The following NFAM1 variants were observed in gnomAD, a reference collection of about 807,000 sequenced individuals.
The protein encoded by NFAM1 is NFAT activating protein with ITAM motif 1, also known as NFAT activation molecule 1.
NFAM1 carries 17 observed loss-of-function variants against 29.0 expected under a neutral mutation model. The observed-to-expected ratio is 0.59, with a 90% CI of 0.40 to 0.88. The LOEUF is 0.88. NFAM1 is among the 40% of genes least tolerant of loss of function. The pLI is 0.00. For synonymous variants in NFAM1, 175 were observed against 147.2 expected (o/e 1.19, Z -1.36); for missense variants, 324 against 344.6 (o/e 0.94, Z 0.47).
At chr22:42,390,814 C>T (rs61392936) in intron 4 of NFAM1, among the ~76,000 whole-genome samples, 24,406 of 66,594 alleles carry the variant, frequency 0.37, 2,645 homozygotes, top group Admixed American at 0.51. Context: ...GAGACTCCGT[C>T]TCAAAAAAAA....
rs529357417 is a variant in NFAM1 at position 42,387,226 on chromosome 22, C to T, written c.664-148G>A. On this transcript the variant is annotated intron_variant, in intron 4 of 5. Coordinates refer to ENST00000329021, the MANE Select transcript of NFAM1 (RefSeq NM_145912.8). ...GCCACACCTTTGCACCTGCCACCCC[C>T]TTTCCCAGAGTCACCTTTCCCCTTC... 9.8e-4 allele frequency: 491 copies of T among 502,350 alleles called. 5 individuals carry two copies. The South Asian group carries it at 0.014, about 14-fold the overall frequency. The allele number at this position is 502,350 out of a possible 1,614,324, so 31.1% of individuals were successfully genotyped here.
rs933850304 is a variant in NFAM1 at position 42,423,550 on chromosome 22, G to T, written c.121+8687C>A. On this transcript the variant is annotated intron_variant, in intron 1 of 5. Transcript: ENST00000329021. The stretch of plus-strand genomic sequence containing the variant: ...GGCAACATAGCAAGACCCCATTTCT[G>T]AAATAAATAAATAAATAAAATTAGC... 4.5e-3 allele frequency among the ~76,000 whole-genome samples: 683 copies of T among 151,508 alleles called. 7 individuals are homozygous for T. The highest frequency in any genetic ancestry group is 0.015 in the African/African-American group (620 of 41,068).
intron 1 of NFAM1, among the ~76,000 whole-genome samples, chr22:42,431,042 C>T (rs1475983933): frequency 6.6e-6 from 1 of 152,166 alleles, no homozygotes; most frequent in East Asian, 1.9e-4. Context: ...CAGCCTTTGC[C>T]TCCCCAGGGT....
At chr22:42,431,046 C>T (rs1163017258) in intron 1 of NFAM1, among the ~76,000 whole-genome samples, 1 of 152,128 alleles carries the variant, frequency 6.6e-6, no homozygotes. Flanking sequence ...CTTTGCCTCC[C>T]CAGGGTAAGT....
At chr22:42,415,169 C>T (rs879008956) in intron 1 of NFAM1, among the ~76,000 whole-genome samples, 1 of 151,968 alleles carries the variant, frequency 6.6e-6, no homozygotes, top group Non-Finnish European at 1.5e-5. Context: ...AGTCTGGAGA[C>T]GTCAGGCCAA....
chr22:42,416,997 G>A (rs981866468), intron 1 of NFAM1, among the ~76,000 whole-genome samples: 5 of 152,174 alleles, frequency 3.3e-5, no homozygotes, highest in Middle Eastern at 3.4e-3. Flanking sequence ...CCCCACTTCC[G>A]TGGGGGCCCC....
chr22:42,422,058 G>A (rs1167317748), intron 1 of NFAM1, among the ~76,000 whole-genome samples: 1 of 152,186 alleles, frequency 6.6e-6, no homozygotes, highest in South Asian at 2.1e-4. Flanking sequence ...TTTTAGCACC[G>A]TTGCCTTTGG....
At chr22:42,417,010 C>T (rs991606663) in intron 1 of NFAM1, among the ~76,000 whole-genome samples, 1 of 152,112 alleles carries the variant, frequency 6.6e-6, no homozygotes, top group Non-Finnish European at 1.5e-5. Flanking sequence ...GGGGCCCCAA[C>T]GGACTCCACG....
chr22:42,411,702 G>T lies in NFAM1; in HGVS notation c.156C>A (p.Ile52=). Residue 52 remains isoleucine (I), a synonymous_variant, in exon 2 of 6, where the codon ATC becomes ATA. Coordinates refer to ENST00000329021, the MANE Select transcript of NFAM1 (RefSeq NM_145912.8). ...TAGCTGTGTTGGCCAGGGAGGCCATGATGGGCAGGCCGGTGTGGGTCACTG... is the reference window on the plus strand; with the variant it reads ...TAGCTGTGTTGGCCAGGGAGGCCATTATGGGCAGGCCGGTGTGGGTCACTG... ...GQSVTHTGLP[I]MASLANTAIS... The T allele has an allele frequency of 6.2e-7, 1 of 1,614,026 alleles. No individual in the cohort carries two copies. The highest frequency in any genetic ancestry group is 8.5e-7 in the Non-Finnish European group (1 of 1,179,858).
chr22:42,414,270 G>T (rs1031186916), intron 1 of NFAM1, among the ~76,000 whole-genome samples: 6 of 152,154 alleles, frequency 3.9e-5, no homozygotes, highest in African/African-American at 9.7e-5. Flanking sequence ...GAGCAGGGGG[G>T]ATTTTACCCT....
At chr22:42,396,038 C>A (rs1929514147) in intron 4 of NFAM1, among the ~76,000 whole-genome samples, 2 of 152,132 alleles carry the variant, frequency 1.3e-5, no homozygotes. Context: ...CAACAAATGG[C>A]TCTTGATACC....
chr22:42,410,923 C>T (rs1405653260), intron 2 of NFAM1, among the ~76,000 whole-genome samples: 3 of 152,154 alleles, frequency 2.0e-5, no homozygotes, highest in Non-Finnish European at 2.9e-5. Context: ...CAGATGGAGC[C>T]CTGGCACAGC....
chr22:42,436,525 T>C (rs1366959122), upstream of NFAM1, among the ~76,000 whole-genome samples: 1 of 152,182 alleles, frequency 6.6e-6, no homozygotes, highest in Non-Finnish European at 1.5e-5. Context: ...AGCTGGGTGG[T>C]GCTGACCCCA....
chr22:42,386,274 T>G (rs947545105), intron 5 of NFAM1, among the ~76,000 whole-genome samples: 1 of 151,908 alleles, frequency 6.6e-6, no homozygotes, highest in Non-Finnish European at 1.5e-5. Flanking sequence ...CTCGGGAGGC[T>G]GAGGCAGGAG....
At chr22:42,420,681 G>C (rs920571164) in intron 1 of NFAM1, among the ~76,000 whole-genome samples, 2 of 151,548 alleles carry the variant, frequency 1.3e-5, no homozygotes, top group African/African-American at 2.4e-5. Context: ...CAAGAGAATC[G>C]CTTGAACCCA....
chr22:42,415,000 T>A (rs1033366844), intron 1 of NFAM1, among the ~76,000 whole-genome samples: 2 of 152,198 alleles, frequency 1.3e-5, no homozygotes, highest in Non-Finnish European at 2.9e-5. Context: ...TTCTTTAAGG[T>A]CACCGAGTTA....
intron 4 of NFAM1, among the ~76,000 whole-genome samples, chr22:42,393,098 A>C (rs1478842573): frequency 6.6e-6 from 1 of 152,168 alleles, no homozygotes; most frequent in Non-Finnish European, 1.5e-5. Flanking sequence ...AAATTGAAGT[A>C]GTAAAGCTTT....
chr22:42,390,982 C>T (rs1236592528), intron 4 of NFAM1, among the ~76,000 whole-genome samples: 3 of 152,136 alleles, frequency 2.0e-5, no homozygotes, highest in Admixed American at 6.5e-5. Flanking sequence ...CTTCACAGAC[C>T]TCCACTTCAA....
At chr22:42,393,482 C>T (rs938736660) in intron 4 of NFAM1, among the ~76,000 whole-genome samples, 1 of 151,806 alleles carries the variant, frequency 6.6e-6, no homozygotes, top group African/African-American at 2.4e-5. Flanking sequence ...GATCTCAGCT[C>T]ACAGCAACCT....
Sources: gnomAD v4.1 joint callset for allele counts (sites outside exome capture counted in the v4.1 genomes callset) on GRCh38, gnomAD v4.1.1 for gene constraint, MANE v1.5 for transcripts, NCBI Gene and HGNC (gene_info 2026-07-23, HGNC 2026-07-21) for gene names.